The following ADARB2 variants were observed in gnomAD, a reference collection of about 807,000 sequenced individuals.
ADARB2 encodes adenosine deaminase RNA specific B2 (inactive).
Under a neutral mutation model 62.2 loss-of-function variants are expected in ADARB2, and 25 were observed. The ratio of observed to expected loss-of-function variants is 0.40; its 90% CI spans 0.29 to 0.56. The LOEUF (loss-of-function observed/expected upper bound fraction) is 0.56. Ranked by LOEUF, ADARB2 falls within the 20% of genes least tolerant of loss-of-function variation. The pLI is 0.43. For missense variants in ADARB2, 1,071 were observed against 1,077.4 expected, an observed-to-expected ratio of 0.99 and a Z score of 0.08; for synonymous variants, 572 against 500.8, an observed-to-expected ratio of 1.14 and a Z score of -1.90.
At chr10:1,722,117 G>A (rs566612630) in intron 1 of ADARB2, among the ~76,000 whole-genome samples, 23 of 152,296 alleles carry the variant, frequency 1.5e-4, no homozygotes, top group African/African-American at 5.1e-4. Context: ...ATGAAATTGT[G>A]TAGACTCTAT....
chr10:1,242,346 C>T (rs1294832296), intron 4 of ADARB2, 47 bp from the exon 5 acceptor site: 2 of 1,498,448 alleles, frequency 1.3e-6, no homozygotes, highest in Non-Finnish European at 1.8e-6. Flanking sequence ...CGGCCCCCGT[C>T]TCCCTCCTCC....
Position 1,600,491 on chromosome 10 carries a change from G to A in ADARB2, c.100+136560C>T, listed in dbSNP as rs537540193. ...GCCTGGTCAACATGGCGAAAGCCCC[G>A]TCTCTACTAAAAATACAAAAAGTAG... is the stretch of plus-strand genomic sequence containing the variant. On this transcript the variant is annotated intron_variant, in intron 1 of 9. Transcript: ENST00000381312. Among the ~76,000 whole-genome samples, 14 of 151,978 alleles carry A rather than the reference G, an allele frequency of 9.2e-5. No homozygotes were observed. The East Asian group carries it at 1.8e-3, about 19-fold the overall frequency.
chr10:1,580,300 G>A (rs1170678967), intron 1 of ADARB2, among the ~76,000 whole-genome samples: 2 of 152,032 alleles, frequency 1.3e-5, no homozygotes, highest in Non-Finnish European at 2.9e-5. Flanking sequence ...GTGTGTATTG[G>A]TCCTTCTTTG....
intron 1 of ADARB2, among the ~76,000 whole-genome samples, chr10:1,517,251 T>C (rs1832018782): frequency 6.6e-6 from 1 of 152,200 alleles, no homozygotes; most frequent in Admixed American, 6.5e-5. Context: ...CAGGAAGTGA[T>C]TCAAATTCAT....
At chr10:1,270,154 C>T (rs1785611970) in intron 4 of ADARB2, among the ~76,000 whole-genome samples, 1 of 152,210 alleles carries the variant, frequency 6.6e-6, no homozygotes, top group Admixed American at 6.5e-5. Context: ...CCCTGCTGGC[C>T]CAGCGTGGCT....
chr10:1,319,427 G>C (rs1437315299), intron 3 of ADARB2, among the ~76,000 whole-genome samples: 1 of 151,140 alleles, frequency 6.6e-6, no homozygotes, highest in African/African-American at 2.5e-5. Context: ...ACAGCTGACA[G>C]ATAGATCACC....
intron 4 of ADARB2, among the ~76,000 whole-genome samples, chr10:1,249,112 T>A (rs1251271663): frequency 6.6e-6 from 1 of 152,196 alleles, no homozygotes; most frequent in African/African-American, 2.4e-5. Flanking sequence ...CCCTGCAACA[T>A]GGGCTTATTT....
At chr10:1,576,107 TCAGAGTCA>T (rs1833014354) in intron 1 of ADARB2, among the ~76,000 whole-genome samples, 4 of 48,192 alleles carry the variant, frequency 8.3e-5, no homozygotes, top group Non-Finnish European at 1.7e-4. Flanking sequence ...GGGAGGGGGC[TCAGAGTCA>T]CAGGAGGGGG....
At chr10:1,266,017 GA>G (rs1362882849) in intron 4 of ADARB2, among the ~76,000 whole-genome samples, 1 of 124,896 alleles carries the variant, frequency 8.0e-6, no homozygotes, top group Non-Finnish European at 1.7e-5. Context: ...GACGGCCTGA[GA>G]GGGGGGCCCA....
At chr10:1,584,683 C>T (rs1250335386) in intron 1 of ADARB2, among the ~76,000 whole-genome samples, 3 of 152,188 alleles carry the variant, frequency 2.0e-5, no homozygotes, top group Admixed American at 6.5e-5. Flanking sequence ...AAACTTGGAG[C>T]GACCAAGAGG....
chr10:1,441,536 A>C (rs975972391), intron 1 of ADARB2, among the ~76,000 whole-genome samples: 5 of 152,214 alleles, frequency 3.3e-5, no homozygotes, highest in Admixed American at 3.3e-4. Context: ...CTTTAGACAT[A>C]TTATGTCATT....
intron 4 of ADARB2, among the ~76,000 whole-genome samples, chr10:1,262,166 T>G: frequency 7.6e-6 from 1 of 130,860 alleles, no homozygotes; most frequent in African/African-American, 3.0e-5. Context: ...GGGGGAGGGA[T>G]AGCATTGGGA....
At chr10:1,249,591 A>AT (rs1422098312) in intron 4 of ADARB2, among the ~76,000 whole-genome samples, 1 of 151,668 alleles carries the variant, frequency 6.6e-6, no homozygotes, top group African/African-American at 2.4e-5. Flanking sequence ...GAACAGAGGG[A>AT]TTTTTTTCCT....
chr10:1,329,575 T>TCTGCCCCATCAGCTCCCCTGCACTTGG (rs1408856234), intron 3 of ADARB2, among the ~76,000 whole-genome samples: 3 of 152,188 alleles, frequency 2.0e-5, no homozygotes, highest in African/African-American at 4.8e-5. Context: ...GGTGGTGGTT[T>TCTGCCCCATCAGCTCCCCTGCACTTGG]CTGCCCCATC....
intron 1 of ADARB2, among the ~76,000 whole-genome samples, chr10:1,506,163 T>A (rs1347547026): frequency 6.6e-6 from 1 of 152,158 alleles, no homozygotes; most frequent in African/African-American, 2.4e-5. Flanking sequence ...TTGGAATGGT[T>A]TTCAGGTAGA....
At chr10:1,650,553 T>C (rs562587568) in intron 1 of ADARB2, among the ~76,000 whole-genome samples, 1 of 152,284 alleles carries the variant, frequency 6.6e-6, no homozygotes, top group East Asian at 1.9e-4. Context: ...CACCTTCCCA[T>C]ACAAAAGTGG....
rs567704560 is a variant in ADARB2, at chr10:1,407,334, C to T, written c.101-28174G>A. ...CTACAAGTGCCATTGGAAGGGGTCC[C>T]GGGTCCGACGTCTCCGGCGTCCTTC... On this transcript the variant is annotated intron_variant, in intron 1 of 9. Coordinates refer to ENST00000381312, the MANE Select transcript of ADARB2 (RefSeq NM_018702.4). Among the ~76,000 whole-genome samples the T allele has an allele frequency of 4.4e-3, 673 of 152,276 alleles. 5 individuals are homozygous for T. Among genetic ancestry groups the T allele is most frequent in the Middle Eastern group, 0.027 (8 of 294 alleles).
At chr10:1,401,351 G>A (rs1332669865) in intron 1 of ADARB2, among the ~76,000 whole-genome samples, 3 of 152,220 alleles carry the variant, frequency 2.0e-5, no homozygotes, top group East Asian at 1.9e-4. Flanking sequence ...GGAACACCCC[G>A]GCCTTCGGTC....
rs117372983 is a variant in ADARB2, at chr10:1,655,326, G to A, written c.100+81725C>T. ...TCAACACCCCAGGGTCTAAGGGGAC[G>A]TGGCAGGTTTCACTCCCAGACTGGC... is the stretch of plus-strand genomic sequence containing the variant. On this transcript the variant is annotated intron_variant, in intron 1 of 9. Transcript: ENST00000381312. Among the ~76,000 whole-genome samples, 120 of 152,308 alleles carry A rather than the reference G, an allele frequency of 7.9e-4. 1 individual carries two copies. The East Asian group carries it at 0.023, about 29-fold the overall frequency.
Sources: allele counts gnomAD v4.1 joint callset (sites outside exome capture counted in the v4.1 genomes callset), GRCh38; gene constraint gnomAD v4.1.1; transcripts MANE v1.5; gene names NCBI Gene and HGNC (gene_info 2026-07-23, HGNC 2026-07-21).